UBA1: variants seen among roughly 807,000 people sequenced by gnomAD.
UBA1 encodes ubiquitin-like modifier-activating enzyme 1.
Under a neutral mutation model 84.7 loss-of-function variants are expected in UBA1, and 4 were observed. That is an observed-to-expected ratio of 0.05 (90% CI 0.02 to 0.11). The LOEUF (loss-of-function observed/expected upper bound fraction) is 0.11, where lower values mean the gene tolerates loss of function less well. Among genes scored for constraint, UBA1 ranks in the 10% least tolerant of loss-of-function variants. UBA1 has a pLI of 1.00. For synonymous variants in UBA1, 364 were observed against 362.6 expected (o/e 1.00, Z -0.04); for missense variants, 513 against 902.8 (o/e 0.57, Z 5.53).
upstream of UBA1, among the ~76,000 whole-genome samples, chrX:47,192,871 G>C (rs1936088511): frequency 8.9e-6 from 1 of 112,370 alleles, no homozygotes; most frequent in African/African-American, 3.2e-5. Flanking sequence ...GATTACAGGC[G>C]TCATCTGATT....
intron 8 of UBA1, 91 bp from the exon 9 acceptor site, chrX:47,202,065 C>T (rs1936435634): frequency 1.4e-6 from 1 of 737,240 alleles, no homozygotes; most frequent in Non-Finnish European, 2.1e-6. Flanking sequence ...GATGTCTGAG[C>T]TGAGTCGGGG....
chrX:47,193,817 T>C (rs1268174203), upstream of UBA1: 1 of 111,691 alleles, frequency 9.0e-6, no homozygotes, highest in Non-Finnish European at 1.9e-5. Context: ...GGCCCCAGGC[T>C]CAGCGTCCGC....
intron 13 of UBA1, 79 bp downstream of exon 13, chrX:47,203,293 A>T: frequency 9.4e-7 from 1 of 1,058,539 alleles, no homozygotes; most frequent in Non-Finnish European, 1.3e-6. Context: ...CGGCATCTCA[A>T]TGCAACCGGT....
rs149441728 is a variant in UBA1 at position 47,203,395 on chromosome X, C to G, written c.1420-146C>G. On this transcript the variant is annotated intron_variant, in intron 13 of 25. Transcript: ENST00000335972. ...TGGTGCCTCCTTCCTCACATGACTGCGTGTCATTTCTTAGAGTCCTGCAAC... is the reference window on the plus strand; with the variant it reads ...TGGTGCCTCCTTCCTCACATGACTGGGTGTCATTTCTTAGAGTCCTGCAAC... 1.1e-5 allele frequency: 9 copies of G among 828,038 alleles called. No individual in the cohort carries two copies. In the East Asian group the frequency reaches 2.0e-4, roughly 18 times the overall value. 68.2% of individuals were successfully genotyped at this position (828,038 alleles called of 1,213,427 possible). A position where few individuals can be genotyped will look rare whatever the true frequency, so the allele number is the denominator to read the frequency against.
rs145371284 is a variant in UBA1 at position 47,201,799 on chromosome X, G to A, written c.811+189G>A. ...CTGGTGGGCATGGGGGAGAGGTACT[G>A]TGTTTGAGCTATTCCTGGGAGAATG... On this transcript the variant is annotated intron_variant, in intron 8 of 25. Coordinates refer to ENST00000335972, the MANE Select transcript of UBA1 (RefSeq NM_003334.4). Among the ~76,000 whole-genome samples, 1,052 of 112,091 alleles carry A rather than the reference G, an allele frequency of 9.4e-3. 12 individuals are homozygous for A. Among genetic ancestry groups the A allele is most frequent in the African/African-American group, 0.033 (1,006 of 30,780 alleles).
intron 1 of UBA1, among the ~76,000 whole-genome samples, 182 bp downstream of exon 1, chrX:47,194,206 G>C (rs1556784795): frequency 9.0e-6 from 1 of 111,525 alleles, no homozygotes; most frequent in Admixed American, 9.4e-5. Context: ...GGACCACTCC[G>C]GCTCCCTCTG....
chrX:47,214,305 C>T (rs782259516), intron 23 of UBA1, 22 bp from the exon 24 acceptor site: 4 of 1,198,200 alleles, frequency 3.3e-6, no homozygotes, highest in Non-Finnish European at 4.5e-6. Context: ...CTCCATCTTA[C>T]ACTCCCCTCT....
Position 47,199,196 on chromosome X carries a change from C to T in UBA1, c.177-13C>T, listed in dbSNP as rs202129132. Reference sequence around the variant, plus strand: ...GGGCAGGCCCTGACCTAGAGTACCCCCTAACCTGGCAGGTATGTGTTGGGC... The same window carrying T: ...GGGCAGGCCCTGACCTAGAGTACCCTCTAACCTGGCAGGTATGTGTTGGGC... On this transcript the variant is annotated splice_polypyrimidine_tract_variant and intron_variant, in intron 3 of 25. Coordinates refer to ENST00000335972, the MANE Select transcript of UBA1 (RefSeq NM_003334.4). The T allele has an allele frequency of 1.4e-5, 17 of 1,210,945 alleles. No individual in the cohort carries two copies. The African/African-American group carries it at 2.6e-4, about 19-fold the overall frequency.
At chrX:47,213,346 C>T (rs1424255072) in intron 23 of UBA1, among the ~76,000 whole-genome samples, 165 bp downstream of exon 23, 1 of 111,592 alleles carries the variant, frequency 9.0e-6, no homozygotes, top group African/African-American at 3.3e-5. Context: ...TGAGTACGTG[C>T]GAAAAGATGG....
At chrX:47,191,843 C>T (rs1488894523), upstream of UBA1, 2 of 112,003 alleles carry the variant, frequency 1.8e-5, no homozygotes, top group African/African-American at 6.5e-5. Context: ...TTAGCTTTCC[C>T]TTGCAGGTAC....
In UBA1 at chrX:47,202,719, G is replaced by A. The variant is rs1208061610; in HGVS notation, c.1138G>A (p.Glu380Lys). 1.5e-5 allele frequency: 18 copies of A among 1,211,746 alleles called. No individual in the cohort carries two copies. Among genetic ancestry groups the A allele is most frequent in the Non-Finnish European group, 1.9e-5 (17 of 895,337 alleles). The change falls in exon 11 of 26, where the codon GAG (glutamate) becomes AAG (lysine). Residue 380 changes from glutamate (E) to lysine (K), a missense_variant. Around this residue, in one of 6 missense-constraint regions of UBA1, gnomAD observed 227 missense variants for 339.1 expected, o/e 0.67. Coordinates refer to ENST00000335972, the MANE Select transcript of UBA1 (RefSeq NM_003334.4). ...AGCAGTGCAGCAAAATAACCTGGACGAGGACCTCATCCGGAAGCTGGCATA... is the reference window on the plus strand; with the variant it reads ...AGCAGTGCAGCAAAATAACCTGGACAAGGACCTCATCCGGAAGCTGGCATA... ...LPAVQQNNLD[E>K]DLIRKLAYVA... is the part of the protein sequence containing the mutation.
chrX:47,205,929 C>T lies in UBA1; in HGVS notation c.1576-19C>T, dbSNP rs782315217. The T allele has an allele frequency of 1.7e-5, 20 of 1,198,473 alleles. No homozygotes were observed. Among genetic ancestry groups the T allele is most frequent in the Admixed American group, 6.8e-5 (3 of 44,441 alleles). On this transcript the variant is annotated intron_variant, in intron 14 of 25. Transcript: ENST00000335972. ...TTCCCCCATCCCCACCCTGGAACTG[C>T]ACTTTCTTAACCCTTTAGAAGTTAA... is the stretch of plus-strand genomic sequence containing the variant.
chrX:47,205,033 C>T (rs1556790158), intron 14 of UBA1: 1 of 123,051 alleles, frequency 8.1e-6, no homozygotes, highest in Non-Finnish European at 1.7e-5. Flanking sequence ...TAAAACCAGA[C>T]AAGGGAAGTC....
chrX:47,214,673 G>A, intron 25 of UBA1, 36 bp downstream of exon 25: 1 of 1,194,627 alleles, frequency 8.4e-7, no homozygotes, highest in Non-Finnish European at 1.1e-6. Flanking sequence ...GGGAGGCCCT[G>A]TATGGGTTGG....
chrX:47,205,642 T>C, intron 14 of UBA1: 1 of 370,163 alleles, frequency 2.7e-6, no homozygotes, highest in Non-Finnish European at 5.0e-6. Context: ...GTCTTTGAGC[T>C]CAGGAGTTCA....
At chrX:47,196,123 C>T (rs1273699706) in intron 1 of UBA1, among the ~76,000 whole-genome samples, 26 of 111,194 alleles carry the variant, frequency 2.3e-4, no homozygotes, top group African/African-American at 8.2e-4. Context: ...TGCAATTTTT[C>T]AGCCTTTCTC....
chrX:47,209,522 G>A (rs782669916), intron 16 of UBA1, 101 bp from the exon 17 acceptor site: 13 of 763,942 alleles, frequency 1.7e-5, no homozygotes, highest in East Asian at 6.5e-5. Context: ...GTAGCTGTGC[G>A]CCTTGTACTT....
intron 16 of UBA1, 90 bp downstream of exon 16, chrX:47,206,534 T>C: frequency 4.2e-6 from 4 of 942,149 alleles, no homozygotes; most frequent in Non-Finnish European, 6.0e-6. Flanking sequence ...CCTTCAGATG[T>C]TGCATGCCTA....
At chrX:47,205,553 C>T (rs1354517410) in intron 14 of UBA1, 1 of 349,063 alleles carries the variant, frequency 2.9e-6, no homozygotes, top group Non-Finnish European at 5.7e-6. Context: ...AAATCAGTCT[C>T]AGGCAGACAG....
Sources: allele counts gnomAD v4.1 joint callset (sites outside exome capture counted in the v4.1 genomes callset), GRCh38; gene constraint gnomAD v4.1.1; regional missense constraint gnomAD v4.1.1; transcripts MANE v1.5; gene names NCBI Gene and HGNC (gene_info 2026-07-23, HGNC 2026-07-21).